The following UBE3D variants were observed in gnomAD, a reference collection of about 807,000 sequenced individuals.
The protein encoded by UBE3D is E3 ubiquitin-protein ligase E3D.
UBE3D carries 48 observed loss-of-function variants against 49.6 expected under a neutral mutation model. The ratio of observed to expected loss-of-function variants is 0.97; its 90% confidence interval spans 0.77 to 1.23. UBE3D has a LOEUF of 1.23. Among genes scored for constraint, UBE3D ranks in the 50% most tolerant of loss-of-function variants. The pLI, the probability that UBE3D is intolerant of heterozygous loss-of-function variation, is 0.00. For synonymous variants in UBE3D, 189 were observed against 174.2 expected (o/e 1.08, Z -0.67); for missense variants, 452 against 468.4 (o/e 0.96, Z 0.32).
rs189399316 is a variant in UBE3D, at chr6:83,063,160, C to T, written c.77+2482G>A. 2.5e-5 allele frequency: 7 copies of T among 280,454 alleles called. 1 individual carries two copies. The Middle Eastern group carries it at 5.0e-3, about 199-fold the overall frequency. 17.4% of individuals were successfully genotyped at this position (280,454 alleles called of 1,614,324 possible). ...GGGCATGGTGGCTCATACCTGTAAT[C>T]CCAGCACTTTGGGAGTCCAAAGTGG... is the stretch of plus-strand genomic sequence containing the variant. On this transcript the variant is annotated intron_variant, in intron 1 of 9. Transcript: ENST00000369747.
At chr6:82,896,472 T>A (rs1251405023) in intron 9 of UBE3D, among the ~76,000 whole-genome samples, 1 of 152,186 alleles carries the variant, frequency 6.6e-6, no homozygotes, top group Non-Finnish European at 1.5e-5. Flanking sequence ...TCTGTACACC[T>A]GAATAGTGAC....
chr6:82,964,281 A>G (rs1230262984), intron 8 of UBE3D, among the ~76,000 whole-genome samples: 1 of 152,224 alleles, frequency 6.6e-6, no homozygotes, highest in Non-Finnish European at 1.5e-5. Context: ...TCAAGAAAAG[A>G]ACCTGAGTAA....
At chr6:82,943,512 C>T (rs1273462586) in intron 9 of UBE3D, among the ~76,000 whole-genome samples, 2 of 151,980 alleles carry the variant, frequency 1.3e-5, no homozygotes, top group Admixed American at 6.6e-5. Context: ...GGCATGTACC[C>T]GTAGTCCCAG....
chr6:82,940,742 C>T (rs191406698), intron 9 of UBE3D, among the ~76,000 whole-genome samples: 10 of 152,256 alleles, frequency 6.6e-5, no homozygotes, highest in Non-Finnish European at 1.2e-4. Context: ...GTCCCCAAGG[C>T]CCATTGATAG....
chr6:83,015,012 T>C (rs1780597545), intron 8 of UBE3D, among the ~76,000 whole-genome samples: 3 of 152,196 alleles, frequency 2.0e-5, no homozygotes, highest in Admixed American at 2.0e-4. Flanking sequence ...CTGCTTTGCC[T>C]CTTCTGTCCA....
chr6:82,931,797 C>T (rs1450005521), intron 9 of UBE3D, among the ~76,000 whole-genome samples: 1 of 152,070 alleles, frequency 6.6e-6, no homozygotes, highest in Admixed American at 6.5e-5. Flanking sequence ...TCAGATGAGA[C>T]TTTGGACTCG....
At chr6:83,049,660 G>T in intron 3 of UBE3D, 2 of 376,494 alleles carry the variant, frequency 5.3e-6, no homozygotes, top group South Asian at 2.0e-5. Flanking sequence ...TTCCCTCTAG[G>T]GTCTCAACGC....
chr6:83,044,355 T>A (rs1782876805), intron 4 of UBE3D, 73 bp downstream of exon 4: 1 of 1,432,604 alleles, frequency 7.0e-7, no homozygotes. Flanking sequence ...AAGCCCTTAA[T>A]TAGGAAAAGA....
intron 8 of UBE3D, among the ~76,000 whole-genome samples, chr6:83,014,761 G>C (rs988694870): frequency 2.6e-5 from 4 of 152,184 alleles, no homozygotes; most frequent in Admixed American, 6.5e-5. Flanking sequence ...CAGTAGTGTA[G>C]AGGGGTCCTT....
At position 82,892,916 on chromosome 6, in the gene UBE3D, C is replaced by T. The variant is rs1771040216; in HGVS notation, c.*106G>A. Reference sequence around the variant, plus strand: ...AATGCAATGCTCTTATCCCATAGCTCTGGTTCTTGTCTTTGTAATTGATGC... The same window carrying T: ...AATGCAATGCTCTTATCCCATAGCTTTGGTTCTTGTCTTTGTAATTGATGC... On this transcript the variant is annotated 3_prime_UTR_variant, in exon 10 of 10. Transcript: ENST00000369747. 2.3e-6 allele frequency: 3 copies of T among 1,306,512 alleles called. No homozygotes were observed. In the African/African-American group the frequency reaches 4.4e-5, roughly 19 times the overall value. The allele number at this position is 1,306,512 out of a possible 1,614,324, so 80.9% of individuals were successfully genotyped here.
chr6:82,955,117 T>C (rs1347613945), intron 9 of UBE3D, among the ~76,000 whole-genome samples: 1 of 152,138 alleles, frequency 6.6e-6, no homozygotes. Flanking sequence ...ATGCCGCCAA[T>C]TGCAGGCCAG....
chr6:83,043,438 A>C (rs1782810417), intron 4 of UBE3D, among the ~76,000 whole-genome samples: 2 of 152,188 alleles, frequency 1.3e-5, no homozygotes, highest in African/African-American at 2.4e-5. Flanking sequence ...CATTTCACCA[A>C]AGTGAACCAT....
At chr6:82,909,743 T>C (rs1221141920) in intron 9 of UBE3D, among the ~76,000 whole-genome samples, 1 of 152,324 alleles carries the variant, frequency 6.6e-6, no homozygotes, top group Admixed American at 6.5e-5. Context: ...ACCTTCATGT[T>C]GATTCTCTGG....
chr6:83,024,064 C>T, intron 5 of UBE3D, 26 bp from the exon 6 acceptor site: 1 of 1,376,562 alleles, frequency 7.3e-7, no homozygotes, highest in South Asian at 1.4e-5. Context: ...AAAATTAAGA[C>T]TCTCCCCAAT....
chr6:82,965,250 A>T (rs1449045327), intron 8 of UBE3D, among the ~76,000 whole-genome samples: 5 of 152,190 alleles, frequency 3.3e-5, no homozygotes, highest in Non-Finnish European at 5.9e-5. Flanking sequence ...GTATCATTGC[A>T]AGACAGCAGT....
intron 8 of UBE3D, among the ~76,000 whole-genome samples, chr6:82,996,722 C>T (rs1779265346): frequency 6.6e-6 from 1 of 152,152 alleles, no homozygotes; most frequent in South Asian, 2.1e-4. Flanking sequence ...CCAGTCTAAT[C>T]ATGAGAAAAA....
At chr6:83,029,489 T>G (rs982941638) in intron 5 of UBE3D, among the ~76,000 whole-genome samples, 3 of 152,216 alleles carry the variant, frequency 2.0e-5, no homozygotes, top group African/African-American at 7.2e-5. Flanking sequence ...TGCTATCTGT[T>G]CAAAGCTTTT....
intron 8 of UBE3D, among the ~76,000 whole-genome samples, chr6:83,016,573 C>T (rs1457557070): frequency 6.6e-6 from 1 of 151,806 alleles, no homozygotes; most frequent in East Asian, 1.9e-4. Context: ...AGTCAGGGCT[C>T]TCTAGAGGGA....
intron 9 of UBE3D, among the ~76,000 whole-genome samples, chr6:82,936,471 A>G (rs978477942): frequency 6.6e-6 from 1 of 152,156 alleles, no homozygotes; most frequent in Non-Finnish European, 1.5e-5. Context: ...AACCAGAAAT[A>G]TAGGGACTAT....
Sources: gnomAD v4.1 joint callset for allele counts (sites outside exome capture counted in the v4.1 genomes callset) on GRCh38, gnomAD v4.1.1 for gene constraint, MANE v1.5 for transcripts, NCBI Gene and HGNC (gene_info 2026-07-23, HGNC 2026-07-21) for gene names.